UBE2U: variants seen among roughly 807,000 people sequenced by gnomAD.
The protein encoded by UBE2U is ubiquitin conjugating enzyme E2 U, also known as ubiquitin-conjugating enzyme E2 U.
Under a neutral mutation model 41.2 loss-of-function variants are expected in UBE2U, and 39 were observed. That is an observed-to-expected ratio of 0.95 (90% CI 0.73 to 1.24). The LOEUF is 1.24. UBE2U is among the 50% of genes most tolerant of loss of function. The pLI, the probability that UBE2U is intolerant of heterozygous loss-of-function variation, is 0.00. For synonymous variants in UBE2U, 107 were observed against 117.8 expected, an observed-to-expected ratio of 0.91 and a Z score of 0.60; for missense variants, 336 against 363.1, an observed-to-expected ratio of 0.93 and a Z score of 0.61.
rs931644101 is a variant in UBE2U at position 64,259,802 on chromosome 1, T to C, written c.678-801T>C. Among the ~76,000 whole-genome samples, 23 of 152,220 alleles carry C rather than the reference T, an allele frequency of 1.5e-4. 1 individual carries two copies. Among genetic ancestry groups the C allele is most frequent in the African/African-American group, 5.5e-4 (23 of 41,544 alleles). ...CTCATTGATGTCTCCCATAAGCCTG[T>C]TGTTTTATCCAGGATGAGTCATTAA... On this transcript the variant is annotated intron_variant, in intron 8 of 9. Transcript: ENST00000371077.
intron 7 of UBE2U, among the ~76,000 whole-genome samples, chr1:64,233,385 C>T (rs187414305): frequency 1.7e-4 from 26 of 151,962 alleles, no homozygotes; most frequent in African/African-American, 4.6e-4. Context: ...GCAATCCTCC[C>T]GCCTCAGCCT....
In UBE2U at chr1:64,237,807, A is replaced by T. The variant is rs72667254; in HGVS notation, c.596-3845A>T. Among the ~76,000 whole-genome samples, 571 of 152,328 alleles carry T rather than the reference A, an allele frequency of 3.7e-3. 2 individuals carry two copies. Among genetic ancestry groups the T allele is most frequent in the Non-Finnish European group, 6.0e-3 (410 of 68,028 alleles). The stretch of plus-strand genomic sequence containing the variant: ...TCAATGATATAAAACTAATAGGACT[A>T]TTCAGGAAAGATGACCGTGTCATTT... On this transcript the variant is annotated intron_variant, in intron 7 of 9. Transcript: ENST00000371077.
chr1:64,215,072 A>G (rs825173), intron 5 of UBE2U, 140 bp downstream of exon 5: 92,572 of 578,530 alleles, frequency 0.16, 10,225 homozygotes, highest in African/African-American at 0.42. Context: ...GTCTCTACTA[A>G]AATACAGAAT....
chr1:64,214,066 C>T (rs825175), intron 4 of UBE2U, among the ~76,000 whole-genome samples: 99,515 of 152,038 alleles, frequency 0.65, 33,507 homozygotes, highest in African/African-American at 0.82. Context: ...GTAAACTATA[C>T]AGCCTGTTTC....
intron 6 of UBE2U, among the ~76,000 whole-genome samples, chr1:64,225,428 A>G (rs1652801410): frequency 6.6e-6 from 1 of 152,212 alleles, no homozygotes; most frequent in South Asian, 2.1e-4. Flanking sequence ...TAAACCGTGT[A>G]AGGAATTTAG....
At chr1:64,261,704 C>T (rs1023723970) in intron 9 of UBE2U, among the ~76,000 whole-genome samples, 2 of 152,124 alleles carry the variant, frequency 1.3e-5, no homozygotes, top group Non-Finnish European at 2.9e-5. Flanking sequence ...GAAATGTTGC[C>T]TTCTCCAGCC....
At chr1:64,239,175 G>GAAGAAGAAGAA (rs1644781544) in intron 7 of UBE2U, among the ~76,000 whole-genome samples, 1 of 95,438 alleles carries the variant, frequency 1.0e-5, no homozygotes, top group African/African-American at 4.7e-5. Flanking sequence ...AGAAGAAGAA[G>GAAGAAGAAGAA]AAGAAGAAGA....
At chr1:64,262,385 C>T (rs929220237) in intron 9 of UBE2U, among the ~76,000 whole-genome samples, 2 of 152,210 alleles carry the variant, frequency 1.3e-5, no homozygotes, top group African/African-American at 4.8e-5. Context: ...TAGCTGAATC[C>T]TCTGCTTAAG....
chr1:64,253,602 C>T (rs893184093), intron 8 of UBE2U, among the ~76,000 whole-genome samples: 2 of 152,078 alleles, frequency 1.3e-5, no homozygotes, highest in Non-Finnish European at 2.9e-5. Flanking sequence ...GATTGGGGAC[C>T]AATATTCAAC....
At chr1:64,219,744 C>T (rs1228822199) in intron 5 of UBE2U, among the ~76,000 whole-genome samples, 4 of 151,860 alleles carry the variant, frequency 2.6e-5, no homozygotes, top group Admixed American at 1.3e-4. Flanking sequence ...TACAGGCGCC[C>T]GCCACCACAC....
Position 64,239,062 on chromosome 1 carries a change from A to AAGAG in UBE2U, c.596-2590_596-2589insAGAG, listed in dbSNP as rs1644728486. Among the ~76,000 whole-genome samples the AAGAG allele has an allele frequency of 5.4e-3, 387 of 71,244 alleles. 27 individuals carry two copies. The highest frequency in any genetic ancestry group is 0.016 in the African/African-American group (359 of 22,508). The allele number at this position is 71,244 out of a possible 152,430, so 46.7% of individuals were successfully genotyped here. A position where few individuals can be genotyped will look rare whatever the true frequency, so the allele number is the denominator to read the frequency against. On this transcript the variant is annotated intron_variant, in intron 7 of 9. Coordinates refer to ENST00000371077, the MANE Select transcript of UBE2U (RefSeq NM_001366232.2). ...CATCTCAAAAAGAAGAAGAAGAAGA[A>AAGAG]GAAGAGGAAGAGGAAGAGGAAGAGG...
At chr1:64,207,323 G>A (rs1471792148) in intron 3 of UBE2U, among the ~76,000 whole-genome samples, 3 of 152,050 alleles carry the variant, frequency 2.0e-5, no homozygotes, top group South Asian at 2.1e-4. Context: ...GCTAGTTTTT[G>A]TATTTTTAGC....
intron 8 of UBE2U, among the ~76,000 whole-genome samples, chr1:64,247,832 C>G (rs1644945764): frequency 6.7e-6 from 1 of 150,202 alleles, no homozygotes; most frequent in Non-Finnish European, 1.5e-5. Flanking sequence ...CCACTGCACT[C>G]CAGCCTGGGT....
chr1:64,236,720 T>A (rs72920779), intron 7 of UBE2U, among the ~76,000 whole-genome samples: 3,306 of 152,268 alleles, frequency 0.022, 122 homozygotes, highest in African/African-American at 0.076. Context: ...ATGATGGGGA[T>A]GTTTGCTTCA....
chr1:64,212,969 C>T (rs75619971), intron 4 of UBE2U, among the ~76,000 whole-genome samples: 120 of 152,134 alleles, frequency 7.9e-4, no homozygotes, highest in African/African-American at 2.7e-3. Context: ...CAAATATGCC[C>T]ACATTACAAA....
intron 5 of UBE2U, among the ~76,000 whole-genome samples, chr1:64,215,852 A>G (rs1263943718): frequency 1.4e-5 from 2 of 141,982 alleles, no homozygotes; most frequent in East Asian, 3.9e-4. Flanking sequence ...GTAGTAGAGC[A>G]CTGCTTCTGG....
chr1:64,208,038 A>T (rs1651411425), intron 3 of UBE2U, among the ~76,000 whole-genome samples: 1 of 152,222 alleles, frequency 6.6e-6, no homozygotes, highest in South Asian at 2.1e-4. Flanking sequence ...ACATAAAAAG[A>T]TTATCAATCT....
chr1:64,210,595 G>T (rs952805159), intron 3 of UBE2U, 147 bp from the exon 4 acceptor site: 3 of 473,928 alleles, frequency 6.3e-6, no homozygotes, highest in Non-Finnish European at 1.1e-5. Flanking sequence ...ACCAGGGATG[G>T]GTATAGTGCT....
intron 8 of UBE2U, among the ~76,000 whole-genome samples, chr1:64,258,589 G>T (rs545699699): frequency 1.3e-5 from 2 of 150,274 alleles, no homozygotes; most frequent in Non-Finnish European, 2.9e-5. Context: ...TTCTGTCCTT[G>T]TGACAGTTTG....
Sources: gnomAD v4.1 joint callset for allele counts (sites outside exome capture counted in the v4.1 genomes callset) on GRCh38, gnomAD v4.1.1 for gene constraint, MANE v1.5 for transcripts, NCBI Gene and HGNC (gene_info 2026-07-23, HGNC 2026-07-21) for gene names.